CDC14A: variants seen among roughly 807,000 people sequenced by gnomAD.
The protein encoded by CDC14A is dual specificity protein phosphatase CDC14A.
Under a neutral mutation model 74.4 loss-of-function variants are expected in CDC14A, and 53 were observed. The ratio of observed to expected loss-of-function variants is 0.71; its 90% CI spans 0.57 to 0.89. CDC14A has a LOEUF of 0.89. Among genes scored for constraint, CDC14A ranks in the 40% least tolerant of loss-of-function variants. The pLI, the probability that CDC14A is intolerant of heterozygous loss-of-function variation, is 0.00. For missense variants in CDC14A, 646 were observed against 713.7 expected (o/e 0.91, Z 1.08); for synonymous variants, 247 against 258.4 (o/e 0.96, Z 0.43).
intron 4 of CDC14A, among the ~76,000 whole-genome samples, chr1:100,411,097 C>T (rs904392698): frequency 2.0e-5 from 3 of 152,172 alleles, no homozygotes; most frequent in Non-Finnish European, 4.4e-5. Flanking sequence ...CCACCCTTCT[C>T]CACTCCCCAT....
chr1:100,348,513 C>T (rs1650636428), upstream of CDC14A, among the ~76,000 whole-genome samples: 1 of 152,024 alleles, frequency 6.6e-6, no homozygotes, highest in African/African-American at 2.4e-5. Flanking sequence ...TTAGAACTGG[C>T]CACACCAGTT....
At chr1:100,429,841 T>G (rs191578617) in intron 5 of CDC14A, among the ~76,000 whole-genome samples, 32 of 151,574 alleles carry the variant, frequency 2.1e-4, no homozygotes, top group Non-Finnish European at 3.7e-4. Flanking sequence ...AATTTCTGTT[T>G]TAAAGATTCT....
At chr1:100,473,179 A>G (rs550643484) in intron 10 of CDC14A, among the ~76,000 whole-genome samples, 26 of 152,150 alleles carry the variant, frequency 1.7e-4, no homozygotes, top group African/African-American at 6.3e-4. Flanking sequence ...ACTATTGTTG[A>G]GTCTTCTAAT....
At chr1:100,495,941 G>A in intron 12 of CDC14A, 61 bp from the exon 13 acceptor site, 1 of 1,358,460 alleles carries the variant, frequency 7.4e-7, no homozygotes, top group Non-Finnish European at 1.1e-6. Context: ...GATGTGCCTT[G>A]TGGTCTTTGT....
chr1:100,424,364 G>C, intron 5 of CDC14A, 63 bp downstream of exon 5: 1 of 1,136,260 alleles, frequency 8.8e-7, no homozygotes, highest in South Asian at 1.2e-5. Flanking sequence ...TTAGAGTTGG[G>C]TTGTAGTGTT....
rs1323321887 is a variant in CDC14A, at chr1:100,491,271, A to G, written c.1138-3547A>G. On this transcript the variant is annotated intron_variant, in intron 11 of 15. Coordinates refer to ENST00000336454, the MANE Select transcript of CDC14A (RefSeq NM_003672.4). ...TTACAAAGCAGCATATGTATATAAT[A>G]CAACCTCTTTTTGTAAGGAAGAAGT... Among the ~76,000 whole-genome samples the G allele has an allele frequency of 4.6e-5, 7 of 152,238 alleles. No homozygotes were observed. The East Asian group carries it at 9.6e-4, about 21-fold the overall frequency.
chr1:100,443,253 G>GA (rs1161232990), intron 7 of CDC14A: 1 of 293,782 alleles, frequency 3.4e-6, no homozygotes, highest in East Asian at 5.9e-5. Context: ...TAGTTTATAA[G>GA]AAAAATCTAG....
At chr1:100,497,495 T>G (rs1194046025) in intron 13 of CDC14A, among the ~76,000 whole-genome samples, 1 of 152,196 alleles carries the variant, frequency 6.6e-6, no homozygotes, top group Admixed American at 6.5e-5. Context: ...ATTTAAACAG[T>G]GAAGTGACAT....
intron 5 of CDC14A, among the ~76,000 whole-genome samples, chr1:100,429,750 T>G (rs1663426413): frequency 6.8e-6 from 1 of 147,700 alleles, no homozygotes; most frequent in African/African-American, 2.5e-5. Flanking sequence ...TATATTTATA[T>G]ATATATTATA....
chr1:100,431,496 A>G (rs1663675495), intron 5 of CDC14A, among the ~76,000 whole-genome samples: 1 of 152,092 alleles, frequency 6.6e-6, no homozygotes. Context: ...AATGTTATGA[A>G]AAGCTCTTAA....
chr1:100,491,548 C>CTCTCTCTCTCTATATA (rs1223420176), intron 11 of CDC14A, among the ~76,000 whole-genome samples: 1 of 38,760 alleles, frequency 2.6e-5, no homozygotes, highest in Non-Finnish European at 5.0e-5. Context: ...CTCTCTCTCT[C>CTCTCTCTCTCTATATA]TATATATATA....
intron 11 of CDC14A, among the ~76,000 whole-genome samples, chr1:100,491,763 G>C (rs1670724251): frequency 6.7e-6 from 1 of 150,266 alleles, no homozygotes; most frequent in Non-Finnish European, 1.5e-5. Context: ...GTAGAGATGG[G>C]GTTTCACCAT....
At chr1:100,382,390 ATTTTTTTTT>A (rs59014809) in intron 3 of CDC14A, among the ~76,000 whole-genome samples, 1 of 115,288 alleles carries the variant, frequency 8.7e-6, no homozygotes, top group Non-Finnish European at 1.8e-5. Context: ...CCAGCTAACT[ATTTTTTTTT>A]TTTTTTTTTT....
At chr1:100,424,807 C>G (rs1010272737) in intron 5 of CDC14A, among the ~76,000 whole-genome samples, 2 of 152,178 alleles carry the variant, frequency 1.3e-5, no homozygotes, top group Admixed American at 1.3e-4. Flanking sequence ...TCTCTCATTA[C>G]TGTGTTTTCT....
At position 100,416,245 on chromosome 1, in the gene CDC14A, C is replaced by G. The variant is rs1661516398; in HGVS notation, c.310-7977C>G. Among the ~76,000 whole-genome samples, 3 of 152,116 alleles carry G rather than the reference C, an allele frequency of 2.0e-5. No individual in the cohort carries two copies. The South Asian group carries it at 6.2e-4, about 32-fold the overall frequency. On this transcript the variant is annotated intron_variant, in intron 4 of 15. Transcript: ENST00000336454. The stretch of plus-strand genomic sequence containing the variant: ...AGGTAACTGGTGAGTGCTTTCCTTT[C>G]CTAAAAACAAATCCAACTTGGGAAT...
chr1:100,354,712 C>CT (rs1269353335), intron 2 of CDC14A, among the ~76,000 whole-genome samples: 1 of 152,166 alleles, frequency 6.6e-6, no homozygotes, highest in African/African-American at 2.4e-5. Context: ...TCAGAGGAGT[C>CT]TAATATATTC....
chr1:100,382,407 T>G, intron 3 of CDC14A, among the ~76,000 whole-genome samples: 1 of 149,714 alleles, frequency 6.7e-6, no homozygotes, highest in African/African-American at 2.5e-5. Context: ...TTTTTTTTTT[T>G]TTTTAGTTTT....
At chr1:100,394,823 T>G (rs1222671420) in intron 4 of CDC14A, among the ~76,000 whole-genome samples, 1 of 152,252 alleles carries the variant, frequency 6.6e-6, no homozygotes, top group Non-Finnish European at 1.5e-5. Flanking sequence ...AAAGAGAATT[T>G]TATGCCTTTC....
rs767481478 is a variant in CDC14A at position 100,455,416 on chromosome 1, T to C, written c.531T>C (p.Asn177=). The change falls in exon 8 of 16, where the codon AAT becomes AAC. Residue 177 remains asparagine, a synonymous_variant. Coordinates refer to ENST00000336454, the MANE Select transcript of CDC14A (RefSeq NM_003672.4). ...CAAAATTCTGCCAGCGAGTTGAAAA[T>C]GGTGACTTCAACTGGATTGTTCCAG... The part of the protein sequence containing the change: ...DEYEHYERVE[N]GDFNWIVPGK... 2 of 1,601,134 alleles carry C rather than the reference T, an allele frequency of 1.2e-6. No individual in the cohort carries two copies. Among genetic ancestry groups the C allele is most frequent in the Non-Finnish European group, 1.7e-6 (2 of 1,174,908 alleles).
Sources: allele counts gnomAD v4.1 joint callset (sites outside exome capture counted in the v4.1 genomes callset), GRCh38; gene constraint gnomAD v4.1.1; transcripts MANE v1.5; gene names NCBI Gene and HGNC (gene_info 2026-07-23, HGNC 2026-07-21).